ABL2: variants seen among roughly 807,000 people sequenced by gnomAD.
The protein encoded by ABL2 is ABL proto-oncogene 2, non-receptor tyrosine kinase.
ABL2 carries 49 observed loss-of-function variants against 107.7 expected under a neutral mutation model. The ratio of observed to expected loss-of-function variants is 0.45; its 90% CI spans 0.36 to 0.58. The LOEUF (loss-of-function observed/expected upper bound fraction) is 0.58. Among genes scored for constraint, ABL2 ranks in the 20% least tolerant of loss-of-function variants. ABL2 has a pLI of 0.00. For synonymous variants in ABL2, 549 were observed against 548.6 expected (o/e 1.00, Z -0.01); for missense variants, 1,245 against 1,457.0 (o/e 0.85, Z 2.37).
chr1:179,195,214 G>C (rs1661239961), intron 1 of ABL2, among the ~76,000 whole-genome samples: 1 of 152,178 alleles, frequency 6.6e-6, no homozygotes, highest in African/African-American at 2.4e-5. Context: ...CTGGGACCCA[G>C]GAGACTGAGG....
At position 179,108,038 on chromosome 1, in the gene ABL2, C is replaced by G. The variant is rs770512822; in HGVS notation, c.3229G>C (p.Glu1077Gln). 2.5e-5 allele frequency: 41 copies of G among 1,614,124 alleles called. No homozygotes were observed. Among genetic ancestry groups the G allele is most frequent in the Admixed American group, 2.5e-4 (15 of 60,002 alleles). ...VALRKTKQAA[E>Q]KISADKISKE... ...CTGATTTTGTCTGCTGAGATTTTCT[C>G]AGCGGCCTGTTTGGTTTTTCTCAGA... is the stretch of plus-strand genomic sequence containing the variant. The change falls in exon 12 of 12, where the codon GAG becomes CAG. Residue 1077 changes from glutamate to glutamine, a missense_variant. Physicochemically the swap from Glu to Gln is conservative, Grantham distance 29 (BLOSUM62 2). Coordinates refer to ENST00000502732, the MANE Select transcript of ABL2 (RefSeq NM_007314.4).
chr1:179,142,774 C>A (rs915521295), intron 1 of ABL2, among the ~76,000 whole-genome samples: 3 of 152,142 alleles, frequency 2.0e-5, no homozygotes, highest in Admixed American at 1.3e-4. Context: ...TTATTGAGAT[C>A]CTACTATGAG....
At chr1:179,120,907 G>A (rs1426862454) in intron 5 of ABL2, among the ~76,000 whole-genome samples, 9 of 152,138 alleles carry the variant, frequency 5.9e-5, no homozygotes, top group Non-Finnish European at 1.0e-4. Flanking sequence ...ACGAGACAGA[G>A]CACTTAGCTG....
chr1:179,117,269 G>A (rs1321873960), intron 8 of ABL2, 63 bp downstream of exon 8: 1 of 1,491,716 alleles, frequency 6.7e-7, no homozygotes, highest in African/African-American at 1.4e-5. Context: ...AAGCTCTAAA[G>A]AATCAAGGCA....
intron 1 of ABL2, among the ~76,000 whole-genome samples, chr1:179,134,975 G>A (rs929846582): frequency 4.6e-5 from 7 of 152,234 alleles, no homozygotes; most frequent in Non-Finnish European, 1.0e-4. Flanking sequence ...CGAGTGATCC[G>A]CCAGCCTCGG....
intron 11 of ABL2, 63 bp downstream of exon 11, chr1:179,110,219 C>A: frequency 6.3e-7 from 1 of 1,585,272 alleles, no homozygotes; most frequent in Non-Finnish European, 8.6e-7. Flanking sequence ...AAAAGCCTCA[C>A]ACCCCATGCT....
Position 179,126,689 on chromosome 1 carries a change from C to T in ABL2, c.392-17G>A. On this transcript the variant is annotated splice_polypyrimidine_tract_variant and intron_variant, in intron 3 of 11. Coordinates refer to ENST00000502732, the MANE Select transcript of ABL2 (RefSeq NM_007314.4). The surrounding 1 kb of genome is among the most constrained non-coding windows in gnomAD (Gnocchi z 4.4). ...GCTTTTCACCTAGCCATAAGGTCAT[C>T]ACAGGATGAAAGAAACGATGTTAAG... 1 of 1,596,708 alleles carries T rather than the reference C, an allele frequency of 6.3e-7. No individual in the cohort carries two copies. Among genetic ancestry groups the T allele is most frequent in the Non-Finnish European group, 8.6e-7 (1 of 1,167,246 alleles).
At position 179,107,282 on chromosome 1, in the gene ABL2, T is replaced by C. The variant is rs1265640211; in HGVS notation, c.*436A>G. The stretch of plus-strand genomic sequence containing the variant: ...TTCTCTTGGTACATTCCCAGCTTTC[T>C]TTTCTGCTGTCCCACCAAATTCATT... On this transcript the variant is annotated 3_prime_UTR_variant, in exon 12 of 12. Transcript: ENST00000502732. 4.2e-6 allele frequency: 1 copy of C among 235,906 alleles called. No homozygotes were observed. Among genetic ancestry groups the C allele is most frequent in the Non-Finnish European group, 8.4e-6 (1 of 119,664 alleles). 14.6% of individuals were successfully genotyped at this position (235,906 alleles called of 1,614,324 possible). A position where few individuals can be genotyped will look rare whatever the true frequency, so the allele number is the denominator to read the frequency against.
intron 1 of ABL2, among the ~76,000 whole-genome samples, chr1:179,212,070 G>C (rs1247831004): frequency 2.0e-5 from 3 of 152,144 alleles, no homozygotes; most frequent in Admixed American, 2.0e-4. Context: ...TTGAAATCAT[G>C]GTGGAAGGCA....
rs34992088 is a variant in ABL2, at chr1:179,148,915, G to GA, written c.158-15542dup. ...ACTCCGTCTTGAAAAAAAAAAAAAGGAAAAAAAAAAAAAGAAATTAGACCA... is the reference window on the plus strand; with the variant it reads ...ACTCCGTCTTGAAAAAAAAAAAAAGGAAAAAAAAAAAAAAGAAATTAGACCA... On this transcript the variant is annotated intron_variant, in intron 1 of 11. Transcript: ENST00000502732. Among the ~76,000 whole-genome samples the GA allele has an allele frequency of 4.4e-3, 588 of 132,324 alleles. 3 individuals are homozygous for GA. The highest frequency in any genetic ancestry group is 6.0e-3 in the Non-Finnish European group (374 of 62,520). 86.8% of individuals were successfully genotyped at this position (132,324 alleles called of 152,430 possible).
intron 1 of ABL2, among the ~76,000 whole-genome samples, chr1:179,223,750 T>C (rs1456019012): frequency 6.6e-6 from 1 of 152,014 alleles, no homozygotes. Context: ...ACAATTAAAA[T>C]TCCCTCACAA....
intron 1 of ABL2, among the ~76,000 whole-genome samples, chr1:179,165,257 T>C (rs150589975): frequency 1.7e-3 from 259 of 152,338 alleles, no homozygotes; most frequent in Middle Eastern, 6.8e-3. Context: ...ACCAGGTATA[T>C]ACCAATAAAC....
At chr1:179,226,310 CTTTTTTT>C (rs745831850) in intron 1 of ABL2, among the ~76,000 whole-genome samples, 16 of 131,004 alleles carry the variant, frequency 1.2e-4, no homozygotes, top group Non-Finnish European at 1.6e-4. Context: ...ATTATCCCTA[CTTTTTTT>C]TTTTTTTTTT....
At chr1:179,196,986 T>C (rs1453217187) in intron 1 of ABL2, among the ~76,000 whole-genome samples, 1 of 152,186 alleles carries the variant, frequency 6.6e-6, no homozygotes, top group Non-Finnish European at 1.5e-5. Flanking sequence ...TAAAGATGAC[T>C]GTGAATACAC....
chr1:179,121,324 CTT>C (rs755889857), intron 5 of ABL2, among the ~76,000 whole-genome samples: 2 of 152,186 alleles, frequency 1.3e-5, no homozygotes, highest in Non-Finnish European at 2.9e-5. Context: ...GCTTTTATAA[CTT>C]TTAATTTGCT....
At chr1:179,178,067 A>G (rs1660147699) in intron 1 of ABL2, among the ~76,000 whole-genome samples, 1 of 152,214 alleles carries the variant, frequency 6.6e-6, no homozygotes, top group African/African-American at 2.4e-5. Context: ...TTCAAGTTCC[A>G]ACATGCCAAA....
chr1:179,204,588 A>C (rs887216640), intron 1 of ABL2, among the ~76,000 whole-genome samples: 1 of 151,856 alleles, frequency 6.6e-6, no homozygotes, highest in African/African-American at 2.4e-5. Flanking sequence ...TCTACTAAAA[A>C]ATACAAAAAT....
At position 179,186,338 on chromosome 1, in the gene ABL2, C is replaced by T. The variant is rs562883817; in HGVS notation, c.157+42903G>A. On this transcript the variant is annotated intron_variant, in intron 1 of 11. Coordinates refer to ENST00000502732, the MANE Select transcript of ABL2 (RefSeq NM_007314.4). ...AATTTATTTCACAATTCTTTTTGAG[C>T]GTGTGTGTTTGGGTTTATCAGCCAT... Among the ~76,000 whole-genome samples, 4 of 152,084 alleles carry T rather than the reference C, an allele frequency of 2.6e-5. No individual in the cohort carries two copies. The South Asian group carries it at 6.2e-4, about 24-fold the overall frequency.
intron 1 of ABL2, among the ~76,000 whole-genome samples, chr1:179,217,519 G>C (rs28424194): frequency 6.6e-6 from 1 of 151,622 alleles, no homozygotes; most frequent in Non-Finnish European, 1.5e-5. Context: ...CCAGCTACTC[G>C]GGAGGCTGAG....
Sources: gnomAD v4.1 joint callset for allele counts (sites outside exome capture counted in the v4.1 genomes callset) on GRCh38, gnomAD v4.1.1 for gene constraint, Gnocchi (gnomAD v3.1) non-coding constraint, MANE v1.5 for transcripts, NCBI Gene and HGNC (gene_info 2026-07-23, HGNC 2026-07-21) for gene names.